Variants in RFX7 observed in about 807,000 individuals in gnomAD.
RFX7 encodes the protein regulatory factor X7, also known as DNA-binding protein RFX7.
In RFX7, 26 loss-of-function variants were observed where a neutral mutation model predicts 111.8. That is an observed-to-expected ratio of 0.23 (90% CI 0.17 to 0.32). RFX7 has a LOEUF of 0.32. RFX7 is among the 10% of genes least tolerant of loss of function. The probability of loss-of-function intolerance (pLI) is 1.00; values close to 1 mark genes in which losing one functional copy is unlikely to be tolerated. For missense variants in RFX7, 1,573 were observed against 1,772.9 expected, an observed-to-expected ratio of 0.89 and a Z score of 2.02; for synonymous variants, 624 against 624.4, an observed-to-expected ratio of 1.00 and a Z score of 0.01.
chr15:56,230,121 C>T (rs1246629840), intron 2 of RFX7, among the ~76,000 whole-genome samples: 1 of 152,166 alleles, frequency 6.6e-6, no homozygotes, highest in Non-Finnish European at 1.5e-5. Context: ...TTAAAAAAGC[C>T]ATCTCCAATT....
At chr15:56,211,749 C>A (rs1439203715) in intron 2 of RFX7, among the ~76,000 whole-genome samples, 2 of 152,092 alleles carry the variant, frequency 1.3e-5, no homozygotes, top group Non-Finnish European at 2.9e-5. Context: ...CGAAGATGTA[C>A]AGATGGCAAA....
chr15:56,119,699 C>T (rs181146747), intron 5 of RFX7, among the ~76,000 whole-genome samples: 4 of 151,398 alleles, frequency 2.6e-5, no homozygotes, highest in Non-Finnish European at 4.4e-5. Flanking sequence ...ATCGCGTGAA[C>T]CTGGGAGGCG....
At chr15:56,102,095 CT>C in intron 7 of RFX7, 73 bp downstream of exon 7, 1 of 1,091,258 alleles carries the variant, frequency 9.2e-7, no homozygotes, top group Non-Finnish European at 1.3e-6. Flanking sequence ...CCAAATGAGA[CT>C]TTGCAGGATG....
At chr15:56,165,882 C>G (rs575527222) in intron 3 of RFX7, among the ~76,000 whole-genome samples, 1 of 152,214 alleles carries the variant, frequency 6.6e-6, no homozygotes, top group African/African-American at 2.4e-5. Flanking sequence ...CCTCTTTTAT[C>G]CCTGGTTTTA....
At chr15:56,150,392 A>T (rs1294825085) in intron 3 of RFX7, among the ~76,000 whole-genome samples, 1 of 152,178 alleles carries the variant, frequency 6.6e-6, no homozygotes, top group Non-Finnish European at 1.5e-5. Context: ...GGGCCGACAG[A>T]CACCTCATAC....
At chr15:56,127,614 C>T (rs2042161193) in intron 5 of RFX7, among the ~76,000 whole-genome samples, 1 of 148,990 alleles carries the variant, frequency 6.7e-6, no homozygotes, top group Non-Finnish European at 1.5e-5. Context: ...GTGGCGCGAT[C>T]TCGACTCACT....
intron 5 of RFX7, among the ~76,000 whole-genome samples, chr15:56,114,319 G>GA (rs1435538998): frequency 6.6e-6 from 1 of 150,404 alleles, no homozygotes; most frequent in African/African-American, 2.4e-5. Context: ...GCTGAGGCAG[G>GA]AGAAATGCTT....
At chr15:56,201,396 A>G (rs1307620281) in intron 2 of RFX7, among the ~76,000 whole-genome samples, 1 of 152,214 alleles carries the variant, frequency 6.6e-6, no homozygotes, top group Non-Finnish European at 1.5e-5. Flanking sequence ...ACAAGGCAGT[A>G]ATAGAACCAA....
intron 2 of RFX7, among the ~76,000 whole-genome samples, chr15:56,204,516 C>G (rs1457964833): frequency 2.6e-5 from 4 of 152,182 alleles, no homozygotes; most frequent in African/African-American, 9.7e-5. Flanking sequence ...CAGGGAAAAT[C>G]AGTGCCAGAG....
chr15:56,139,405 C>T (rs1055199440), intron 5 of RFX7, among the ~76,000 whole-genome samples: 5 of 152,226 alleles, frequency 3.3e-5, no homozygotes, highest in African/African-American at 9.7e-5. Flanking sequence ...CAGTTGATCG[C>T]ATCGGCTCCT....
intron 5 of RFX7, among the ~76,000 whole-genome samples, chr15:56,125,637 GTGTGTGTGTA>G (rs1397489538): frequency 2.0e-5 from 3 of 151,126 alleles, no homozygotes; most frequent in African/African-American, 7.3e-5. Context: ...GTGTGTGTGT[GTGTGTGTGTA>G]TGTGGCTAAC....
chr15:56,232,012 C>T (rs567649074), intron 2 of RFX7, among the ~76,000 whole-genome samples: 18 of 152,322 alleles, frequency 1.2e-4, no homozygotes, highest in East Asian at 3.9e-4. Context: ...TGGTCTTGAG[C>T]GGCTCCGCCC....
At position 56,091,304 on chromosome 15, in the gene RFX7, T is replaced by C. The variant is rs2041593131; in HGVS notation, c.*2041A>G. The C allele has an allele frequency of 6.6e-6, 1 of 152,554 alleles. No homozygotes were observed. The highest frequency in any genetic ancestry group is 1.5e-5 in the Non-Finnish European group (1 of 67,980). 9.5% of individuals were successfully genotyped at this position (152,554 alleles called of 1,614,324 possible). On this transcript the variant is annotated 3_prime_UTR_variant, in exon 10 of 10. Transcript: ENST00000559447. ...TTTAAAAAGTTTAATCTGTGGACTG[T>C]ATTGGTTGCATTTATCCTAAGAGAT...
At position 56,090,278 on chromosome 15, in the gene RFX7, C is replaced by T. The variant is rs2140504203; in HGVS notation, c.*3067G>A. 1 of 152,282 alleles carries T rather than the reference C, an allele frequency of 6.6e-6. No homozygotes were observed. The highest frequency in any genetic ancestry group is 1.9e-4 in the East Asian group (1 of 5,186). 9.4% of individuals were successfully genotyped at this position (152,282 alleles called of 1,614,324 possible). The stretch of plus-strand genomic sequence containing the variant: ...AAAGAGAAAAAGATGGCTTTTTGGA[C>T]AACATAAAGTTCTATGCCATGCACC... On this transcript the variant is annotated 3_prime_UTR_variant, in exon 10 of 10. Transcript: ENST00000559447.
rs564846108 is a variant in RFX7 at position 56,153,879 on chromosome 15, A to G, written c.196-9396T>C. ...CTCTGTTTGCAGATGACATGATTGTATATTTAGAAAACCCCATCATCTCAG... is the reference window on the plus strand; with the variant it reads ...CTCTGTTTGCAGATGACATGATTGTGTATTTAGAAAACCCCATCATCTCAG... On this transcript the variant is annotated intron_variant, in intron 3 of 9. Coordinates refer to ENST00000559447, the MANE Select transcript of RFX7 (RefSeq NM_022841.7). Among the ~76,000 whole-genome samples the G allele has an allele frequency of 1.2e-4, 18 of 152,350 alleles. 1 individual carries two copies. In the East Asian group the frequency reaches 2.9e-3, roughly 24 times the overall value.
At chr15:56,119,239 G>T (rs1290225419) in intron 5 of RFX7, among the ~76,000 whole-genome samples, 3 of 152,064 alleles carry the variant, frequency 2.0e-5, no homozygotes, top group African/African-American at 7.2e-5. Context: ...TGCTTGTAGG[G>T]TATTGCTCAA....
chr15:56,218,241 G>A (rs78768773), intron 2 of RFX7, among the ~76,000 whole-genome samples: 19,021 of 130,820 alleles, frequency 0.15, 1,592 homozygotes, highest in East Asian at 0.46. Context: ...TGCAACCTCT[G>A]CCTCCCGGGT....
At chr15:56,149,930 C>A (rs1011043389) in intron 3 of RFX7, among the ~76,000 whole-genome samples, 1 of 151,994 alleles carries the variant, frequency 6.6e-6, no homozygotes, top group African/African-American at 2.4e-5. Context: ...GGTCCCACTC[C>A]CACGGAGCCC....
chr15:56,095,760 T>C lies in RFX7; in HGVS notation c.1968A>G (p.Pro656=). Residue 656 remains proline (P), a synonymous_variant, in exon 10 of 10, where the codon CCA becomes CCG. Transcript: ENST00000559447. ...NKDPKLCTKS[P]RKRLSSTLQE... ...GCAATGTAGAAGACAGTCGTTTTCTTGGGCTTTTAGTGCATAATTTAGGGT... is the reference window on the plus strand; with the variant it reads ...GCAATGTAGAAGACAGTCGTTTTCTCGGGCTTTTAGTGCATAATTTAGGGT... The C allele has an allele frequency of 1.2e-6, 2 of 1,613,916 alleles. No homozygotes were observed. The highest frequency in any genetic ancestry group is 2.2e-5 in the East Asian group (1 of 44,886).
Sources: allele counts gnomAD v4.1 joint callset (sites outside exome capture counted in the v4.1 genomes callset), GRCh38; gene constraint gnomAD v4.1.1; transcripts MANE v1.5; gene names NCBI Gene and HGNC (gene_info 2026-07-23, HGNC 2026-07-21).